The following TMEM132C variants were observed in gnomAD, a reference collection of about 807,000 sequenced individuals.
TMEM132C encodes the protein protein phosphatase 1, regulatory subunit 152.
In TMEM132C, 29 loss-of-function variants were observed where a neutral mutation model predicts 61.4. The observed-to-expected ratio is 0.47, with a 90% CI of 0.35 to 0.64. The LOEUF is 0.64. Among genes scored for constraint, TMEM132C ranks in the 30% least tolerant of loss-of-function variants. TMEM132C has a pLI of 0.00. For synonymous variants in TMEM132C, 656 were observed against 633.1 expected (o/e 1.04, Z -0.54); for missense variants, 1,408 against 1,476.9 (o/e 0.95, Z 0.76).
chr12:128,522,550 G>T (rs768887117), intron 2 of TMEM132C, among the ~76,000 whole-genome samples: 14 of 152,324 alleles, frequency 9.2e-5, no homozygotes, highest in East Asian at 3.9e-4. Flanking sequence ...CTTCATCATT[G>T]GTTAGTGAAT....
intron 2 of TMEM132C, among the ~76,000 whole-genome samples, chr12:128,483,750 CAT>C (rs1363044770): frequency 6.6e-6 from 1 of 152,056 alleles, no homozygotes; most frequent in Non-Finnish European, 1.5e-5. Context: ...GGTTGTGAAA[CAT>C]AGCCATCGTT....
intron 1 of TMEM132C, among the ~76,000 whole-genome samples, chr12:128,345,828 C>A (rs1362631692): frequency 6.6e-6 from 1 of 151,674 alleles, no homozygotes; most frequent in Non-Finnish European, 1.5e-5. Flanking sequence ...TTCTCCTATT[C>A]TGTATGTTGT....
At chr12:128,679,537 G>A (rs1396876499) in intron 5 of TMEM132C, among the ~76,000 whole-genome samples, 2 of 152,136 alleles carry the variant, frequency 1.3e-5, no homozygotes, top group East Asian at 3.9e-4. Context: ...TGGCTTATAG[G>A]AGCACAAGTG....
intron 2 of TMEM132C, among the ~76,000 whole-genome samples, chr12:128,518,706 A>G (rs1188704290): frequency 6.6e-6 from 1 of 151,838 alleles, no homozygotes; most frequent in Non-Finnish European, 1.5e-5. Context: ...TGAATTATCT[A>G]TTGGTGTGTG....
At chr12:128,644,925 ATTAT>A (rs1402423060) in intron 4 of TMEM132C, among the ~76,000 whole-genome samples, 5 of 152,124 alleles carry the variant, frequency 3.3e-5, no homozygotes, top group Admixed American at 1.3e-4. Context: ...GGTGCCATCT[ATTAT>A]TTAAGTGGCA....
chr12:128,577,823 G>GC (rs1216522376), intron 3 of TMEM132C, among the ~76,000 whole-genome samples: 1 of 152,160 alleles, frequency 6.6e-6, no homozygotes, highest in Non-Finnish European at 1.5e-5. Flanking sequence ...TTTTAGTCCT[G>GC]CCCTTGATGC....
At chr12:128,314,669 A>G (rs1365178447) in intron 1 of TMEM132C, among the ~76,000 whole-genome samples, 2 of 152,158 alleles carry the variant, frequency 1.3e-5, no homozygotes, top group Admixed American at 1.3e-4. Flanking sequence ...GACACACAGA[A>G]AAGGGACCTT....
At chr12:128,531,899 C>G (rs1469189198) in intron 2 of TMEM132C, among the ~76,000 whole-genome samples, 1 of 152,216 alleles carries the variant, frequency 6.6e-6, no homozygotes, top group Non-Finnish European at 1.5e-5. Flanking sequence ...TAAGATGACC[C>G]TGCTCACAAG....
At chr12:128,507,514 C>G (rs1255287193) in intron 2 of TMEM132C, among the ~76,000 whole-genome samples, 2 of 147,828 alleles carry the variant, frequency 1.4e-5, no homozygotes, top group Non-Finnish European at 3.0e-5. Context: ...TGCTTCATTT[C>G]CTTGCATTGC....
intron 1 of TMEM132C, among the ~76,000 whole-genome samples, chr12:128,334,507 A>C (rs1278673608): frequency 6.6e-6 from 1 of 152,184 alleles, no homozygotes; most frequent in Non-Finnish European, 1.5e-5. Flanking sequence ...TGTCATTATC[A>C]AAAATCTTTT....
At chr12:128,544,248 A>C in intron 3 of TMEM132C, 145 bp downstream of exon 3, 1 of 1,221,108 alleles carries the variant, frequency 8.2e-7, no homozygotes, top group East Asian at 2.8e-5. Context: ...GGAGGCATTG[A>C]TATCCATGCA....
intron 2 of TMEM132C, among the ~76,000 whole-genome samples, chr12:128,469,466 C>A (rs1158438081): frequency 6.6e-6 from 1 of 151,786 alleles, no homozygotes; most frequent in African/African-American, 2.4e-5. Flanking sequence ...CAGGCATGCA[C>A]CACCACACCC....
chr12:128,589,309 C>T (rs183412649), intron 3 of TMEM132C, among the ~76,000 whole-genome samples: 168 of 152,298 alleles, frequency 1.1e-3, no homozygotes, highest in African/African-American at 3.9e-3. Context: ...CCTCCCCTTG[C>T]CCTCAGGACC....
At chr12:128,702,730 G>C (rs940616969) in intron 8 of TMEM132C, among the ~76,000 whole-genome samples, 1 of 152,206 alleles carries the variant, frequency 6.6e-6, no homozygotes, top group Admixed American at 6.5e-5. Flanking sequence ...TGGGCTTTTG[G>C]TTTTGAGTGG....
At chr12:128,471,143 C>G (rs748857992) in intron 2 of TMEM132C, among the ~76,000 whole-genome samples, 2 of 152,216 alleles carry the variant, frequency 1.3e-5, no homozygotes, top group Non-Finnish European at 2.9e-5. Flanking sequence ...CCGCTTTGAT[C>G]TGTGACAACC....
chr12:128,328,605 G>A (rs1467514155), intron 1 of TMEM132C, among the ~76,000 whole-genome samples: 1 of 151,968 alleles, frequency 6.6e-6, no homozygotes, highest in Non-Finnish European at 1.5e-5. Flanking sequence ...TGACCAACAT[G>A]GTGAAACCCT....
chr12:128,302,600 T>C (rs1462478575), intron 1 of TMEM132C, among the ~76,000 whole-genome samples: 2 of 152,166 alleles, frequency 1.3e-5, no homozygotes, highest in Admixed American at 1.3e-4. Flanking sequence ...TGGTAGCAAG[T>C]TTTTATTGTT....
chr12:128,697,524 G>T, intron 8 of TMEM132C, 109 bp downstream of exon 8: 1 of 1,136,564 alleles, frequency 8.8e-7, no homozygotes, highest in Non-Finnish European at 1.2e-6. Flanking sequence ...GCAGAACCAT[G>T]TTCCACAATG....
chr12:128,663,927 C>T (rs74474998), intron 4 of TMEM132C, among the ~76,000 whole-genome samples: 68,258 of 136,838 alleles, frequency 0.5, 16,694 homozygotes, highest in East Asian at 0.59. Flanking sequence ...CACACCTGCA[C>T]GCACGCGGAC....
Sources: gnomAD v4.1 joint callset for allele counts (sites outside exome capture counted in the v4.1 genomes callset) on GRCh38, gnomAD v4.1.1 for gene constraint, MANE v1.5 for transcripts, NCBI Gene and HGNC (gene_info 2026-07-23, HGNC 2026-07-21) for gene names.